KLRG1: variants seen among roughly 807,000 people sequenced by gnomAD.
The protein encoded by KLRG1 is killer cell lectin like receptor G1.
Under a neutral mutation model 21.8 loss-of-function variants are expected in KLRG1, and 16 were observed. That is an observed-to-expected ratio of 0.73 (90% CI 0.50 to 1.11). KLRG1 has a LOEUF of 1.11. Ranked by LOEUF, KLRG1 falls within the 50% of genes most tolerant of loss-of-function variation. KLRG1 has a pLI of 0.00. For synonymous variants in KLRG1, 69 were observed against 75.9 expected (o/e 0.91, Z 0.47); for missense variants, 173 against 218.3 (o/e 0.79, Z 1.31).
chr12:9,199,773 G>A, the KLRG1 span, among the ~76,000 whole-genome samples: 1 of 152,070 alleles, frequency 6.6e-6, no homozygotes, highest in African/African-American at 2.4e-5. Context: ...AAAAGAACCT[G>A]GCAAATTTTA....
chr12:9,077,309 G>C, the KLRG1 span: 1 of 1,572,626 alleles, frequency 6.4e-7, no homozygotes, highest in East Asian at 2.2e-5. Context: ...ATTGCATCCA[G>C]AACTCTCCTT....
At chr12:9,076,385 G>A in the KLRG1 span, among the ~76,000 whole-genome samples, 1 of 152,208 alleles carries the variant, frequency 6.6e-6, no homozygotes, top group African/African-American at 2.4e-5. Flanking sequence ...GGAAGTTAAT[G>A]ACTTTCCCAA....
chr12:9,077,598 T>C, the KLRG1 span: 1 of 1,538,302 alleles, frequency 6.5e-7, no homozygotes, highest in East Asian at 2.3e-5. Context: ...GGTTTTATTT[T>C]CCTCTGAGGC....
At chr12:9,214,708 G>A in the KLRG1 span, among the ~76,000 whole-genome samples, 1 of 151,886 alleles carries the variant, frequency 6.6e-6, no homozygotes, top group African/African-American at 2.4e-5. Flanking sequence ...GTTATTTGAT[G>A]ACTCACTAGA....
chr12:9,022,359 C>T, the KLRG1 span, among the ~76,000 whole-genome samples: 17 of 152,246 alleles, frequency 1.1e-4, no homozygotes, highest in Admixed American at 6.5e-5. Context: ...TTTTCAACTC[C>T]ATTACAGTCT....
At chr12:9,155,480 TTTGTTGTTGTTATTG>T in the KLRG1 span, among the ~76,000 whole-genome samples, 1 of 147,498 alleles carries the variant, frequency 6.8e-6, no homozygotes, top group Non-Finnish European at 1.5e-5. Flanking sequence ...TGTTTTGTTT[TTTGTTGTTGTTATTG>T]TTGTTGTTGT....
At chr12:8,973,163 G>GA (rs59760555) in intron 1 of KLRG1, among the ~76,000 whole-genome samples, 5,060 of 96,886 alleles carry the variant, frequency 0.052, 474 homozygotes, top group African/African-American at 0.14. Flanking sequence ...CATCTCAAAA[G>GA]AAAAAAAAAA....
At chr12:9,101,540 T>A in the KLRG1 span, 2 of 1,613,936 alleles carry the variant, frequency 1.2e-6, no homozygotes, top group South Asian at 2.2e-5. Context: ...CACAGGGTAG[T>A]TCATGAGACA....
intron 1 of KLRG1, among the ~76,000 whole-genome samples, chr12:8,966,496 A>AAAAC (rs1946474987): frequency 6.6e-6 from 1 of 151,788 alleles, no homozygotes; most frequent in Admixed American, 6.6e-5. Flanking sequence ...TTACAAGAAA[A>AAAAC]AAACAACCCC....
At chr12:9,114,539 T>C in the KLRG1 span, among the ~76,000 whole-genome samples, 59 of 152,226 alleles carry the variant, frequency 3.9e-4, no homozygotes, top group East Asian at 1.9e-4. Context: ...AATGGTCTGA[T>C]ATTTAATATC....
intron 3 of KLRG1, among the ~76,000 whole-genome samples, chr12:8,998,047 G>T (rs781313023): frequency 6.6e-6 from 1 of 152,176 alleles, no homozygotes; most frequent in Non-Finnish European, 1.5e-5. Context: ...AGAGGAATTG[G>T]CTGGGCATAG....
the KLRG1 span, chr12:9,208,263 C>G: frequency 6.2e-7 from 1 of 1,612,204 alleles, no homozygotes; most frequent in South Asian, 1.1e-5. Context: ...ACTTACGGTT[C>G]TGTAGAGTTT....
the KLRG1 span, chr12:9,161,132 G>C: frequency 1.1e-5 from 17 of 1,529,040 alleles, no homozygotes; most frequent in African/African-American, 1.4e-5. Flanking sequence ...GAAACAGACA[G>C]CCCATGTTAA....
At chr12:8,954,186 A>C (rs1269052166) in intron 1 of KLRG1, among the ~76,000 whole-genome samples, 1 of 152,190 alleles carries the variant, frequency 6.6e-6, no homozygotes, top group African/African-American at 2.4e-5. Context: ...ACACACACAG[A>C]AAGAAAAATA....
At chr12:9,093,386 A>T in the KLRG1 span, 2 of 949,788 alleles carry the variant, frequency 2.1e-6, no homozygotes, top group East Asian at 4.9e-5. Flanking sequence ...AAAACAATAA[A>T]AACAGAAAAA....
At chr12:9,109,283 A>G in the KLRG1 span, 1 of 1,517,396 alleles carries the variant, frequency 6.6e-7, no homozygotes, top group South Asian at 1.2e-5. Context: ...TCTCTTTTAA[A>G]TAATCCCCCA....
the KLRG1 span, among the ~76,000 whole-genome samples, chr12:9,017,264 CAAAAAAAA>C: frequency 3.0e-4 from 16 of 53,130 alleles, no homozygotes; most frequent in African/African-American, 1.1e-3. Context: ...AACTCCATCT[CAAAAAAAA>C]AAAAAAAAAA....
chr12:8,971,169 C>T (rs968022290), intron 1 of KLRG1: 2 of 151,748 alleles, frequency 1.3e-5, no homozygotes, highest in African/African-American at 4.8e-5. Context: ...TTATTTATTT[C>T]TTAAAGTTTA....
the KLRG1 span, among the ~76,000 whole-genome samples, chr12:9,138,777 A>G: frequency 6.6e-6 from 1 of 151,970 alleles, no homozygotes; most frequent in Non-Finnish European, 1.5e-5. Flanking sequence ...ATTAGTTGAC[A>G]TATTTGTTCA....
Sources: allele counts gnomAD v4.1 joint callset (sites outside exome capture counted in the v4.1 genomes callset), GRCh38; gene constraint gnomAD v4.1.1; transcripts MANE v1.5; gene names NCBI Gene and HGNC (gene_info 2026-07-23, HGNC 2026-07-21).